The following SUCLA2 variants were observed in gnomAD, a reference collection of about 807,000 sequenced individuals.
SUCLA2 encodes succinate-CoA ligase ADP-forming subunit beta, also known as succinate--CoA ligase [ADP-forming] subunit beta, mitochondrial.
In SUCLA2, 30 loss-of-function variants were observed where a neutral mutation model predicts 54.8. The ratio of observed to expected loss-of-function variants is 0.55; its 90% CI spans 0.41 to 0.74. The LOEUF (loss-of-function observed/expected upper bound fraction) is 0.74. Among genes scored for constraint, SUCLA2 ranks in the 30% least tolerant of loss-of-function variants. The pLI, the probability that SUCLA2 is intolerant of heterozygous loss-of-function variation, is 0.00. For synonymous variants in SUCLA2, 172 were observed against 188.9 expected (o/e 0.91, Z 0.74); for missense variants, 476 against 562.9 (o/e 0.85, Z 1.56).
chr13:47,974,945 T>C (rs1034085287), intron 4 of SUCLA2, among the ~76,000 whole-genome samples: 5 of 152,178 alleles, frequency 3.3e-5, no homozygotes, highest in Non-Finnish European at 7.4e-5. Context: ...AATTGTATTA[T>C]TTTTTAACAT....
intron 6 of SUCLA2, 45 bp downstream of exon 6, chr13:47,968,550 G>T: frequency 6.2e-7 from 1 of 1,606,010 alleles, no homozygotes; most frequent in Middle Eastern, 2.3e-4. Context: ...AAGCATATTA[G>T]AGAAATAAAT....
At chr13:47,988,158 G>C in intron 4 of SUCLA2, 1 of 219,650 alleles carries the variant, frequency 4.6e-6, no homozygotes, top group South Asian at 1.7e-4. Context: ...CAGAAGATGA[G>C]GCAATGGATA....
At chr13:47,987,794 C>T (rs576319762) in intron 4 of SUCLA2, 7 of 152,014 alleles carry the variant, frequency 4.6e-5, no homozygotes, top group Admixed American at 2.0e-4. Flanking sequence ...ACATGAAATC[C>T]GTACTGGGGC....
intron 1 of SUCLA2, among the ~76,000 whole-genome samples, chr13:47,999,091 G>T (rs1950209931): frequency 6.6e-6 from 1 of 152,158 alleles, no homozygotes; most frequent in African/African-American, 2.4e-5. Context: ...ACATATAAGA[G>T]CACTAGGTCA....
At chr13:47,977,522 C>T (rs34291896) in intron 4 of SUCLA2, among the ~76,000 whole-genome samples, 15,815 of 151,312 alleles carry the variant, frequency 0.1, 900 homozygotes, top group South Asian at 0.18. Context: ...GAAAAAAAAA[C>T]TCAAAAAATA....
rs1593475619 is a variant in SUCLA2 at position 47,946,574 on chromosome 13, G to C, written c.1317+2366C>G. Among the ~76,000 whole-genome samples the C allele has an allele frequency of 8.3e-5, 12 of 143,724 alleles. No homozygotes were observed. The Admixed American group carries it at 8.6e-4, about 10-fold the overall frequency. 94.3% of individuals were successfully genotyped at this position (143,724 alleles called of 152,430 possible). ...TGTAAATACAAAATAAAAAACAAAA[G>C]GTTGTGTTTTTTTTTTTTTAAAAAA... On this transcript the variant is annotated intron_variant, in intron 10 of 10. Coordinates refer to ENST00000646932, the MANE Select transcript of SUCLA2 (RefSeq NM_003850.3).
At chr13:47,970,105 C>A (rs896100980) in intron 5 of SUCLA2, among the ~76,000 whole-genome samples, 1 of 76,544 alleles carries the variant, frequency 1.3e-5, no homozygotes, top group Non-Finnish European at 3.4e-5. Flanking sequence ...CTGTCTCCCC[C>A]CCACAAAAAA....
At chr13:47,964,664 T>C (rs1028804927) in intron 6 of SUCLA2, among the ~76,000 whole-genome samples, 13 of 152,116 alleles carry the variant, frequency 8.5e-5, no homozygotes, top group South Asian at 2.1e-4. Flanking sequence ...GAGACCATCC[T>C]GGCTAACACG....
Position 47,997,077 on chromosome 13 carries a change from G to GTTAA in SUCLA2, c.91-55_91-54insTTAA, listed in dbSNP as rs1383311709. On this transcript the variant is annotated intron_variant, in intron 1 of 10. Coordinates refer to ENST00000646932, the MANE Select transcript of SUCLA2 (RefSeq NM_003850.3). ...TGACAGTGATTTGGCAGTCACTCTT[G>GTTAA]CTAACTACTTGGTTCTTCATAACTA... 3.1e-6 allele frequency: 5 copies of GTTAA among 1,589,638 alleles called. No individual in the cohort carries two copies. The African/African-American group carries it at 5.4e-5, about 17-fold the overall frequency.
chr13:47,959,852 A>T (rs940169214), intron 6 of SUCLA2, among the ~76,000 whole-genome samples: 1 of 152,218 alleles, frequency 6.6e-6, no homozygotes, highest in African/African-American at 2.4e-5. Flanking sequence ...AGCAATTCTT[A>T]ATAGTTAAGC....
intron 4 of SUCLA2, among the ~76,000 whole-genome samples, chr13:47,983,145 A>G (rs978905763): frequency 6.6e-6 from 1 of 152,224 alleles, no homozygotes; most frequent in Non-Finnish European, 1.5e-5. Context: ...AAATAAAAGA[A>G]TTCAGAGCCT....
intron 6 of SUCLA2, among the ~76,000 whole-genome samples, chr13:47,960,035 T>C (rs1317332338): frequency 1.3e-5 from 2 of 152,118 alleles, no homozygotes; most frequent in East Asian, 1.9e-4. Context: ...GGTTATTGAA[T>C]TGTGTACCAG....
At chr13:47,954,091 T>C in intron 8 of SUCLA2, 49 bp downstream of exon 8, 1 of 1,354,100 alleles carries the variant, frequency 7.4e-7, no homozygotes. Flanking sequence ...TATAAGTATT[T>C]ATTTTATATA....
At chr13:47,946,701 C>A in intron 10 of SUCLA2, among the ~76,000 whole-genome samples, 1 of 151,228 alleles carries the variant, frequency 6.6e-6, no homozygotes, top group East Asian at 1.9e-4. Context: ...TGGGACATAC[C>A]CTAAAGGACA....
intron 2 of SUCLA2, 78 bp downstream of exon 2, chr13:47,996,765 T>C: frequency 7.0e-7 from 1 of 1,422,740 alleles, no homozygotes; most frequent in Non-Finnish European, 9.7e-7. Context: ...CTAAAAGTTG[T>C]TATCAAACCA....
At chr13:47,950,109 G>C (rs1949764553) in intron 8 of SUCLA2, among the ~76,000 whole-genome samples, 1 of 152,196 alleles carries the variant, frequency 6.6e-6, no homozygotes, top group Non-Finnish European at 1.5e-5. Flanking sequence ...GCAAGGTCAA[G>C]AAATACTGCC....
At chr13:47,966,516 T>C (rs2137712576) in intron 6 of SUCLA2, among the ~76,000 whole-genome samples, 1 of 98,750 alleles carries the variant, frequency 1.0e-5, no homozygotes, top group South Asian at 3.1e-4. Context: ...CAAAAGTAAT[T>C]GCCGTTTTTA....
intron 6 of SUCLA2, among the ~76,000 whole-genome samples, chr13:47,968,072 G>C (rs1263490680): frequency 6.6e-6 from 1 of 152,128 alleles, no homozygotes; most frequent in African/African-American, 2.4e-5. Context: ...AATGTATATA[G>C]TATGCAATCT....
At chr13:47,987,848 C>CA (rs1950115233) in intron 4 of SUCLA2, 1 of 151,974 alleles carries the variant, frequency 6.6e-6, no homozygotes, top group South Asian at 2.1e-4. Flanking sequence ...AGCTAGTTAA[C>CA]ACACAGATTC....
Sources: allele counts gnomAD v4.1 joint callset (sites outside exome capture counted in the v4.1 genomes callset), GRCh38; gene constraint gnomAD v4.1.1; transcripts MANE v1.5; gene names NCBI Gene and HGNC (gene_info 2026-07-23, HGNC 2026-07-21).